TVP23C: variants seen among roughly 807,000 people sequenced by gnomAD.
TVP23C encodes Golgi apparatus membrane protein TVP23 homolog C.
Under a neutral mutation model 28.7 loss-of-function variants are expected in TVP23C, and 19 were observed. The ratio of observed to expected loss-of-function variants is 0.66; its 90% CI spans 0.46 to 0.97. The LOEUF (loss-of-function observed/expected upper bound fraction) is 0.97. TVP23C is among the 50% of genes least tolerant of loss of function. The pLI is 0.00. For missense variants in TVP23C, 186 were observed against 241.3 expected, an observed-to-expected ratio of 0.77 and a Z score of 1.52; for synonymous variants, 68 against 81.7, an observed-to-expected ratio of 0.83 and a Z score of 0.90.
At position 15,540,167 on chromosome 17, in the gene TVP23C, A is replaced by T; in HGVS notation, c.*245T>A. On this transcript the variant is annotated 3_prime_UTR_variant, in exon 6 of 6. Transcript: ENST00000518321. The stretch of plus-strand genomic sequence containing the variant: ...TTAAAGCTCCCATAATTGATGAAAA[A>T]CAACTGAACTTAAAAGTAATTTTTA... 7.9e-7 allele frequency: 1 copy of T among 1,266,182 alleles called. No homozygotes were observed. Among genetic ancestry groups the T allele is most frequent in the African/African-American group, 1.5e-5 (1 of 64,770 alleles). 78.4% of individuals were successfully genotyped at this position (1,266,182 alleles called of 1,614,324 possible). A position where few individuals can be genotyped will look rare whatever the true frequency, so the allele number is the denominator to read the frequency against.
chr17:15,554,047 A>G (rs1430639188), intron 2 of TVP23C, among the ~76,000 whole-genome samples: 2 of 152,212 alleles, frequency 1.3e-5, no homozygotes, highest in Non-Finnish European at 1.5e-5. Flanking sequence ...CTATGCACAG[A>G]TGACTTTAAC....
intron 5 of TVP23C, among the ~76,000 whole-genome samples, chr17:15,523,349 T>C (rs1180925504): frequency 6.7e-6 from 1 of 148,476 alleles, no homozygotes. Flanking sequence ...TCTCGCTCTG[T>C]TGCCAGGCTG....
At chr17:15,518,528 T>C (rs1982331399) in intron 5 of TVP23C, among the ~76,000 whole-genome samples, 1 of 152,206 alleles carries the variant, frequency 6.6e-6, no homozygotes, top group South Asian at 2.1e-4. Context: ...GTCAGCAAAG[T>C]AGACTGTGAC....
chr17:15,503,388 GAGCAAGACCATGATATTTC>G, intron 5 of TVP23C: 1 of 924,576 alleles, frequency 1.1e-6, no homozygotes, highest in African/African-American at 1.7e-5. Context: ...CTGGGCGACA[GAGCAAGACCATGATATTTC>G]AAGAAAAGTC....
intron 5 of TVP23C, among the ~76,000 whole-genome samples, chr17:15,530,134 TTTC>T (rs1454578183): frequency 9.9e-5 from 15 of 152,212 alleles, no homozygotes; most frequent in South Asian, 4.1e-4. Flanking sequence ...TTTAACTGGT[TTTC>T]TTCTAATATA....
intron 1 of TVP23C, among the ~76,000 whole-genome samples, chr17:15,555,872 C>T (rs1984107416): frequency 6.6e-6 from 1 of 152,064 alleles, no homozygotes; most frequent in Admixed American, 6.6e-5. Flanking sequence ...ATCATTTTCC[C>T]CTGTATTTAC....
intron 5 of TVP23C, among the ~76,000 whole-genome samples, chr17:15,545,450 T>C (rs1285528438): frequency 2.0e-5 from 3 of 152,402 alleles, no homozygotes; most frequent in East Asian, 1.9e-4. Flanking sequence ...TCCTGACCCA[T>C]AGAAACTGTG....
chr17:15,561,630 GAATAAATAAATAAATAAATA>G (rs374284414), intron 1 of TVP23C, among the ~76,000 whole-genome samples: 1 of 131,604 alleles, frequency 7.6e-6, no homozygotes, highest in Non-Finnish European at 1.6e-5. Flanking sequence ...ATGAATGAAT[GAATAAATAAATAAATAAATA>G]AATAAATAAA....
At chr17:15,551,008 C>T (rs1243825884) in intron 3 of TVP23C, among the ~76,000 whole-genome samples, 4 of 152,166 alleles carry the variant, frequency 2.6e-5, no homozygotes, top group Non-Finnish European at 5.9e-5. Flanking sequence ...GCTTCCTTGA[C>T]AGTTGCTTTG....
chr17:15,541,020 A>G (rs1567639948), intron 5 of TVP23C, among the ~76,000 whole-genome samples: 1 of 152,226 alleles, frequency 6.6e-6, no homozygotes, highest in Non-Finnish European at 1.5e-5. Context: ...GCTCTACGTG[A>G]CAACTGGCTT....
chr17:15,530,681 CT>C (rs1982915568), intron 5 of TVP23C: 1 of 151,188 alleles, frequency 6.6e-6, no homozygotes, highest in African/African-American at 2.4e-5. Context: ...TGAAGGATGT[CT>C]TTTAGCATTT....
chr17:15,532,517 A>G (rs1038440567), downstream of TVP23C, among the ~76,000 whole-genome samples: 8 of 152,216 alleles, frequency 5.3e-5, no homozygotes, highest in Non-Finnish European at 1.0e-4. Flanking sequence ...TGGAGCTGAG[A>G]AGAAAATGGG....
At chr17:15,561,442 T>C (rs2150865236) in intron 1 of TVP23C, among the ~76,000 whole-genome samples, 1 of 151,966 alleles carries the variant, frequency 6.6e-6, no homozygotes. Flanking sequence ...CTACTAAAAA[T>C]ACAAAAATTA....
exon 6 of TVP23C, chr17:15,502,709 TTCTCTCTCTCCTC>T (rs1322158711): frequency 5.0e-6 from 6 of 1,199,214 alleles, no homozygotes; most frequent in Non-Finnish European, 5.5e-6. Context: ...CGTTCGTTCT[TTCTCTCTCTCCTC>T]TCTCTCTCTT....
At chr17:15,561,769 G>A (rs958964113) in intron 1 of TVP23C, among the ~76,000 whole-genome samples, 1 of 152,194 alleles carries the variant, frequency 6.6e-6, no homozygotes, top group African/African-American at 2.4e-5. Context: ...TCTTCAATAG[G>A]AGCTGGGTAA....
chr17:15,513,698 T>C (rs1567631173), intron 5 of TVP23C, among the ~76,000 whole-genome samples: 1 of 152,224 alleles, frequency 6.6e-6, no homozygotes, highest in Non-Finnish European at 1.5e-5. Flanking sequence ...GCTTAGCTCT[T>C]GGCATTGCCT....
At chr17:15,536,156 C>T (rs1190240950), downstream of TVP23C, among the ~76,000 whole-genome samples, 1 of 152,100 alleles carries the variant, frequency 6.6e-6, no homozygotes, top group Non-Finnish European at 1.5e-5. Flanking sequence ...CACCACTGCA[C>T]TCCAGCCTGG....
In TVP23C at chr17:15,538,982, A is replaced by G; in HGVS notation, c.*1430T>C. On this transcript the variant is annotated 3_prime_UTR_variant, in exon 6 of 6. Coordinates refer to ENST00000518321, the MANE Select transcript of TVP23C (RefSeq NM_001135036.2). ...TACAGTAGAATAAAAAGAACAATAA[A>G]TTTTGAGTACAGAGGGCTGGGTTTA... 1 of 985,734 alleles carries G rather than the reference A, an allele frequency of 1.0e-6. No homozygotes were observed. Among genetic ancestry groups the G allele is most frequent in the Non-Finnish European group, 1.2e-6 (1 of 829,852 alleles). 61.1% of individuals were successfully genotyped at this position (985,734 alleles called of 1,614,324 possible). A position where few individuals can be genotyped will look rare whatever the true frequency, so the allele number is the denominator to read the frequency against.
chr17:15,524,578 G>T lies in TVP23C; in HGVS notation c.462+21207C>A, dbSNP rs191754104. Among the ~76,000 whole-genome samples, 60 of 152,292 alleles carry T rather than the reference G, an allele frequency of 3.9e-4. 1 individual carries two copies. Among genetic ancestry groups the T allele is most frequent in the Admixed American group, 3.5e-3 (54 of 15,300 alleles). On this transcript the variant is annotated intron_variant, in intron 5 of 5. Coordinates refer to the TVP23C transcript ENST00000225576. ...GACGCCATTCTCTGATGAGGAAGGA[G>T]ATATGAAATCAGACACCCAAAGAGG...
Sources: gnomAD v4.1 joint callset for allele counts (sites outside exome capture counted in the v4.1 genomes callset) on GRCh38, gnomAD v4.1.1 for gene constraint, MANE v1.5 for transcripts, NCBI Gene and HGNC (gene_info 2026-07-23, HGNC 2026-07-21) for gene names.